Variants in GRM1 observed in about 807,000 individuals in gnomAD.
GRM1 encodes metabotropic glutamate receptor 1.
In GRM1, 33 loss-of-function variants were observed where a neutral mutation model predicts 90.9. The observed-to-expected ratio is 0.36, with a 90% CI of 0.28 to 0.49. The LOEUF is 0.49. Among genes scored for constraint, GRM1 ranks in the 20% least tolerant of loss-of-function variants. The pLI is 0.99. For missense variants in GRM1, 1,190 were observed against 1,534.3 expected (o/e 0.78, Z 3.75); for synonymous variants, 700 against 613.2 (o/e 1.14, Z -2.09).
intron 5 of GRM1, among the ~76,000 whole-genome samples, chr6:146,364,031 C>T (rs1775588499): frequency 6.6e-6 from 1 of 152,200 alleles, no homozygotes; most frequent in African/African-American, 2.4e-5. Flanking sequence ...TCTACCTTTC[C>T]TATTCTCACA....
At chr6:146,291,176 A>G (rs775565253) in intron 2 of GRM1, among the ~76,000 whole-genome samples, 32 of 152,018 alleles carry the variant, frequency 2.1e-4, no homozygotes, top group Non-Finnish European at 3.4e-4. Flanking sequence ...TTTCCCTGGT[A>G]TGCTTTTGCA....
intron 1 of GRM1, among the ~76,000 whole-genome samples, chr6:146,054,190 A>G (rs968480000): frequency 2.6e-5 from 4 of 152,104 alleles, no homozygotes; most frequent in African/African-American, 9.7e-5. Flanking sequence ...TGCAAGGTGC[A>G]CAGGGATGTT....
intron 2 of GRM1, among the ~76,000 whole-genome samples, chr6:146,180,995 T>C (rs1420497386): frequency 6.6e-6 from 1 of 152,080 alleles, no homozygotes; most frequent in Non-Finnish European, 1.5e-5. Flanking sequence ...TTAAAACCCA[T>C]AGGATTATGA....
chr6:146,310,407 T>C (rs774739982), intron 3 of GRM1, among the ~76,000 whole-genome samples: 2 of 152,216 alleles, frequency 1.3e-5, no homozygotes, highest in Non-Finnish European at 2.9e-5. Context: ...GGTCCTTTGG[T>C]AATAACTTCT....
At chr6:146,360,574 G>A (rs1215793123) in intron 5 of GRM1, among the ~76,000 whole-genome samples, 2 of 152,040 alleles carry the variant, frequency 1.3e-5, no homozygotes, top group East Asian at 3.9e-4. Flanking sequence ...AGAGCTACAG[G>A]GACCAAAGGA....
At chr6:146,107,672 G>A (rs1775365632) in intron 1 of GRM1, among the ~76,000 whole-genome samples, 1 of 152,154 alleles carries the variant, frequency 6.6e-6, no homozygotes, top group African/African-American at 2.4e-5. Context: ...ACCAGTAGAT[G>A]TTTGCACATT....
At chr6:146,058,760 G>A (rs1775568531) in intron 1 of GRM1, among the ~76,000 whole-genome samples, 1 of 152,098 alleles carries the variant, frequency 6.6e-6, no homozygotes, top group Non-Finnish European at 1.5e-5. Flanking sequence ...CTAAGTTTAT[G>A]TAATGGTCTC....
chr6:146,266,114 G>A lies in GRM1; in HGVS notation c.951-38497G>A, dbSNP rs142857809. 4.9e-3 allele frequency among the ~76,000 whole-genome samples: 752 copies of A among 152,068 alleles called. 4 individuals are homozygous for A. Among genetic ancestry groups the A allele is most frequent in the African/African-American group, 0.017 (699 of 41,476 alleles). On this transcript the variant is annotated intron_variant, in intron 2 of 7. Transcript: ENST00000282753. Reference sequence around the variant, plus strand: ...TGAGGCAAGGGAATTGCTTGAACCCGGGAGATGGAAGTTGCAGTGAGCTGG... The same window carrying A: ...TGAGGCAAGGGAATTGCTTGAACCCAGGAGATGGAAGTTGCAGTGAGCTGG...
chr6:146,337,547 G>T (rs1784818135), intron 3 of GRM1, among the ~76,000 whole-genome samples: 1 of 152,128 alleles, frequency 6.6e-6, no homozygotes. Context: ...TAGTCTCTGG[G>T]ATTGCTGCCT....
At chr6:146,377,037 G>T (rs1162912038) in intron 5 of GRM1, among the ~76,000 whole-genome samples, 5 of 152,054 alleles carry the variant, frequency 3.3e-5, no homozygotes, top group African/African-American at 1.2e-4. Context: ...CCTTCTACTT[G>T]GTTGTGAGGC....
intron 1 of GRM1, among the ~76,000 whole-genome samples, chr6:146,077,224 A>T (rs753188547): frequency 9.2e-5 from 14 of 152,222 alleles, no homozygotes; most frequent in Non-Finnish European, 1.9e-4. Context: ...ACCACTGTGA[A>T]TTCTGGTTCA....
At position 146,398,891 on chromosome 6, in the gene GRM1, C is replaced by T. The variant is rs1283309210; in HGVS notation, c.1852C>T (p.Arg618Trp). 5 of 1,613,650 alleles carry T rather than the reference C, an allele frequency of 3.1e-6. No individual in the cohort carries two copies. The highest frequency in any genetic ancestry group is 2.7e-5 in the African/African-American group (2 of 74,854). ...TGTCACCCTAATCTTTGTACTGTAC[C>T]GGGACACACCAGTGGTCAAATCCTC... Reference protein sequence around the residue: ...LFVTLIFVLYRDTPVVKSSSR... With the variant: ...LFVTLIFVLYWDTPVVKSSSR... The change falls in exon 7 of 8, where the codon CGG (arginine) becomes TGG (tryptophan). Residue 618 changes from arginine (R) to tryptophan (W), a missense_variant. This residue lies in a region of GRM1 where 414 missense variants were observed against 598.4 expected (regional missense o/e 0.69). Transcript: ENST00000282753.
At chr6:146,423,558 C>T (rs75319946) in intron 7 of GRM1, among the ~76,000 whole-genome samples, 8 of 151,768 alleles carry the variant, frequency 5.3e-5, no homozygotes, top group African/African-American at 7.3e-5. Flanking sequence ...GTCAATATGC[C>T]GGAAGGCCTC....
At chr6:146,043,811 A>ATATATATATAGATATATATATATAT (rs1554260501) in intron 1 of GRM1, among the ~76,000 whole-genome samples, 1 of 145,592 alleles carries the variant, frequency 6.9e-6, no homozygotes, top group South Asian at 2.1e-4. Context: ...ATATATATAT[A>ATATATATATAGATATATATATATAT]AAGGGAAGTG....
intron 1 of GRM1, among the ~76,000 whole-genome samples, chr6:146,123,217 T>C (rs1022291863): frequency 4.6e-5 from 7 of 152,218 alleles, no homozygotes; most frequent in South Asian, 2.1e-4. Context: ...TTTCACATTG[T>C]TAGATTTTCT....
chr6:146,264,492 T>A (rs1400104806), intron 2 of GRM1, among the ~76,000 whole-genome samples: 2 of 152,074 alleles, frequency 1.3e-5, no homozygotes, highest in African/African-American at 4.8e-5. Flanking sequence ...CAATTGAAAA[T>A]TAAGTATGAG....
chr6:146,381,284 T>C (rs1024285411), intron 5 of GRM1, among the ~76,000 whole-genome samples: 1 of 152,216 alleles, frequency 6.6e-6, no homozygotes. Context: ...GCAAGGTTTG[T>C]AGGCACTTAA....
At chr6:146,429,091 T>C (rs1778314931) in intron 7 of GRM1, among the ~76,000 whole-genome samples, 1 of 152,154 alleles carries the variant, frequency 6.6e-6, no homozygotes, top group Non-Finnish European at 1.5e-5. Flanking sequence ...CTAAAGATCC[T>C]AAAAGAAGAA....
At chr6:146,377,553 G>A (rs1446223661) in intron 5 of GRM1, among the ~76,000 whole-genome samples, 2 of 152,120 alleles carry the variant, frequency 1.3e-5, no homozygotes, top group Non-Finnish European at 2.9e-5. Context: ...GCCTTCAAGA[G>A]GTGAAAGAGG....
Sources: gnomAD v4.1 joint callset for allele counts (sites outside exome capture counted in the v4.1 genomes callset) on GRCh38, gnomAD v4.1.1 for gene constraint, gnomAD v4.1.1 regional missense constraint, MANE v1.5 for transcripts, NCBI Gene and HGNC (gene_info 2026-07-23, HGNC 2026-07-21) for gene names.